CD2AP: variants seen among roughly 807,000 people sequenced by gnomAD.
CD2AP encodes CD2 associated protein.
A neutral mutation model predicts 85.1 loss-of-function variants in CD2AP; 46 were observed. The ratio of observed to expected loss-of-function variants is 0.54; its 90% confidence interval spans 0.43 to 0.69. The LOEUF (loss-of-function observed/expected upper bound fraction) is 0.69. CD2AP is among the 30% of genes least tolerant of loss of function. The probability of loss-of-function intolerance (pLI) is 0.00; values close to 1 mark genes in which losing one functional copy is unlikely to be tolerated. For synonymous variants in CD2AP, 255 were observed against 252.9 expected (o/e 1.01, Z -0.08); for missense variants, 769 against 729.5 (o/e 1.05, Z -0.62).
chr6:47,487,748 TAA>T, intron 1 of CD2AP, among the ~76,000 whole-genome samples: 1 of 152,202 alleles, frequency 6.6e-6, no homozygotes, highest in Non-Finnish European at 1.5e-5. Context: ...TCTTAGTGTG[TAA>T]ATGACCTTAC....
intron 11 of CD2AP, among the ~76,000 whole-genome samples, chr6:47,584,100 T>G (rs1562043580): frequency 6.6e-6 from 1 of 152,024 alleles, no homozygotes; most frequent in Non-Finnish European, 1.5e-5. Flanking sequence ...TTTATTCAGG[T>G]TTTTTTTCCT....
intron 11 of CD2AP, among the ~76,000 whole-genome samples, chr6:47,595,392 A>G (rs1768912571): frequency 6.6e-6 from 1 of 150,620 alleles, no homozygotes; most frequent in South Asian, 2.1e-4. Context: ...TTAACATTTG[A>G]TTTTTTTTTC....
intron 17 of CD2AP, among the ~76,000 whole-genome samples, chr6:47,613,059 C>G (rs1769491520): frequency 6.6e-6 from 1 of 152,162 alleles, no homozygotes; most frequent in South Asian, 2.1e-4. Context: ...GAAGCAACTC[C>G]TCATCTGTTC....
intron 1 of CD2AP, among the ~76,000 whole-genome samples, chr6:47,497,233 C>T (rs2113973907): frequency 6.7e-6 from 1 of 149,536 alleles, no homozygotes; most frequent in East Asian, 2.0e-4. Flanking sequence ...CTTTCCTTTC[C>T]TTTTCCTTTT....
At chr6:47,618,425 C>T (rs978651632) in intron 17 of CD2AP, among the ~76,000 whole-genome samples, 1 of 152,094 alleles carries the variant, frequency 6.6e-6, no homozygotes, top group African/African-American at 2.4e-5. Flanking sequence ...CTTATTCTAC[C>T]TGTCTTTGAG....
chr6:47,564,190 G>A (rs1204021514), intron 5 of CD2AP, among the ~76,000 whole-genome samples: 4 of 151,988 alleles, frequency 2.6e-5, no homozygotes, highest in Non-Finnish European at 5.9e-5. Flanking sequence ...ATTTAATGGG[G>A]CATTCATCTC....
At chr6:47,571,511 A>T (rs766063740) in intron 5 of CD2AP, among the ~76,000 whole-genome samples, 1 of 152,166 alleles carries the variant, frequency 6.6e-6, no homozygotes, top group South Asian at 2.1e-4. Context: ...TTGAGGATTG[A>T]TCAAAATTCA....
At chr6:47,575,820 A>G (rs1315603559) in intron 6 of CD2AP, among the ~76,000 whole-genome samples, 1 of 152,090 alleles carries the variant, frequency 6.6e-6, no homozygotes, top group East Asian at 1.9e-4. Flanking sequence ...TTACATTCAG[A>G]TAGCAATGAA....
rs560388374 is a variant in CD2AP, at chr6:47,612,302, T to C, written c.1815-171T>C. Among the ~76,000 whole-genome samples, 110 of 152,274 alleles carry C rather than the reference T, an allele frequency of 7.2e-4. 1 individual carries two copies. The Middle Eastern group carries it at 0.014, about 19-fold the overall frequency. On this transcript the variant is annotated intron_variant, in intron 16 of 17. Coordinates refer to ENST00000359314, the MANE Select transcript of CD2AP (RefSeq NM_012120.3). The stretch of plus-strand genomic sequence containing the variant: ...GGTTTTGCTGAATTTTTAACTGTTA[T>C]ATTGAACCATTCTAACTAGAGAATC...
intron 2 of CD2AP, among the ~76,000 whole-genome samples, chr6:47,529,736 G>T (rs1766822706): frequency 6.6e-6 from 1 of 152,104 alleles, no homozygotes; most frequent in Admixed American, 6.5e-5. Flanking sequence ...GCTAAAATCG[G>T]TTTCCTTGTA....
At chr6:47,619,823 A>T (rs1263032462) in intron 17 of CD2AP, among the ~76,000 whole-genome samples, 6 of 152,136 alleles carry the variant, frequency 3.9e-5, no homozygotes, top group African/African-American at 1.2e-4. Flanking sequence ...ATCATTAGTG[A>T]TGTTGAGCAT....
chr6:47,604,664 T>C (rs1354345874), intron 13 of CD2AP, among the ~76,000 whole-genome samples: 1 of 152,068 alleles, frequency 6.6e-6, no homozygotes, highest in Admixed American at 6.6e-5. Flanking sequence ...CTTTTAAAAA[T>C]ACTGATTGCT....
intron 2 of CD2AP, among the ~76,000 whole-genome samples, chr6:47,510,499 T>C (rs945192261): frequency 2.6e-5 from 4 of 151,958 alleles, no homozygotes; most frequent in Admixed American, 6.6e-5. Flanking sequence ...AAACAAAAGG[T>C]GGGCCTGTGT....
chr6:47,543,095 G>T (rs558395331), intron 3 of CD2AP, among the ~76,000 whole-genome samples: 1 of 138,564 alleles, frequency 7.2e-6, no homozygotes, highest in African/African-American at 2.7e-5. Flanking sequence ...AGGTTGCAGC[G>T]AGCTGAGATT....
intron 5 of CD2AP, among the ~76,000 whole-genome samples, chr6:47,565,614 T>A (rs185378462): frequency 6.6e-6 from 1 of 152,232 alleles, no homozygotes; most frequent in East Asian, 1.9e-4. Context: ...CCCATCTGAG[T>A]TAAGGAGAAA....
intron 13 of CD2AP, among the ~76,000 whole-genome samples, chr6:47,601,176 G>A (rs1769119580): frequency 6.6e-6 from 1 of 151,788 alleles, no homozygotes; most frequent in Non-Finnish European, 1.5e-5. Context: ...TGATTGGAAA[G>A]TTCTGTTTTT....
intron 1 of CD2AP, among the ~76,000 whole-genome samples, chr6:47,489,775 T>A (rs1765676427): frequency 6.6e-6 from 1 of 152,186 alleles, no homozygotes; most frequent in East Asian, 1.9e-4. Flanking sequence ...CTTTCATTGT[T>A]CTCATTTTAA....
intron 2 of CD2AP, among the ~76,000 whole-genome samples, chr6:47,505,922 G>T (rs1440536458): frequency 9.5e-6 from 1 of 104,898 alleles, no homozygotes; most frequent in Non-Finnish European, 2.0e-5. Context: ...CCTCCCTCCC[G>T]GACGGGGTGG....
chr6:47,613,208 C>G (rs1244751782), intron 17 of CD2AP, among the ~76,000 whole-genome samples: 1 of 152,186 alleles, frequency 6.6e-6, no homozygotes, highest in Admixed American at 6.5e-5. Flanking sequence ...TTTTGACTTT[C>G]TCTTATGAAT....
Sources: allele counts gnomAD v4.1 joint callset (sites outside exome capture counted in the v4.1 genomes callset), GRCh38; gene constraint gnomAD v4.1.1; transcripts MANE v1.5; gene names NCBI Gene and HGNC (gene_info 2026-07-23, HGNC 2026-07-21).